Variants in WDR17 observed in about 807,000 individuals in gnomAD.
WDR17 encodes the protein WD repeat domain 17.
A neutral mutation model predicts 161.7 loss-of-function variants in WDR17; 143 were observed. The ratio of observed to expected loss-of-function variants is 0.88; its 90% confidence interval spans 0.77 to 1.02. The LOEUF (loss-of-function observed/expected upper bound fraction) is 1.02. Among genes scored for constraint, WDR17 ranks in the 50% least tolerant of loss-of-function variants. WDR17 has a pLI of 0.00. For missense variants in WDR17, 1,469 were observed against 1,520.9 expected, an observed-to-expected ratio of 0.97 and a Z score of 0.57; for synonymous variants, 517 against 515.6, an observed-to-expected ratio of 1.00 and a Z score of -0.04.
intron 20 of WDR17, among the ~76,000 whole-genome samples, 179 bp downstream of exon 20, chr4:176,161,181 G>T (rs1255725383): frequency 6.6e-6 from 1 of 152,112 alleles, no homozygotes; most frequent in Non-Finnish European, 1.5e-5. Context: ...GGAAATTTCA[G>T]GCATGGAGAC....
At chr4:176,120,413 T>C (rs776862133) in intron 4 of WDR17, among the ~76,000 whole-genome samples, 2 of 151,490 alleles carry the variant, frequency 1.3e-5, no homozygotes, top group Non-Finnish European at 2.9e-5. Context: ...TCTTTATTTC[T>C]GTACATTTAC....
intron 18 of WDR17, among the ~76,000 whole-genome samples, chr4:176,159,271 ACATG>A (rs780287501): frequency 8.4e-4 from 98 of 116,226 alleles, no homozygotes; most frequent in African/African-American, 3.1e-3. Context: ...ATACACACAC[ACATG>A]CACACACACA....
intron 18 of WDR17, among the ~76,000 whole-genome samples, chr4:176,156,699 C>T (rs1748186320): frequency 6.6e-6 from 1 of 151,162 alleles, no homozygotes; most frequent in South Asian, 2.1e-4. Context: ...AAAAAATTAC[C>T]ATAAAATGGG....
chr4:176,084,158 A>G (rs989404051), intron 1 of WDR17, among the ~76,000 whole-genome samples: 1 of 152,016 alleles, frequency 6.6e-6, no homozygotes, highest in African/African-American at 2.4e-5. Context: ...TTGTGTTGCT[A>G]TAAAGGCATG....
At chr4:176,160,163 T>C (rs773936932) in intron 19 of WDR17, 37 bp downstream of exon 19, 1 of 1,608,786 alleles carries the variant, frequency 6.2e-7, no homozygotes. Flanking sequence ...CATACATGAA[T>C]GCTTGAGCAT....
chr4:176,121,903 C>A (rs545467061), intron 4 of WDR17, among the ~76,000 whole-genome samples: 4 of 152,160 alleles, frequency 2.6e-5, no homozygotes, highest in Non-Finnish European at 4.4e-5. Flanking sequence ...TTTTCAATAA[C>A]CCAATCTTCC....
chr4:176,141,929 G>C (rs1745335323), intron 10 of WDR17, 54 bp from the exon 11 acceptor site: 1 of 1,314,278 alleles, frequency 7.6e-7, no homozygotes, highest in Non-Finnish European at 1.1e-6. Flanking sequence ...TTGTTTCCTT[G>C]AATAATGTAT....
In WDR17 at chr4:176,180,419, A is replaced by G. The variant is rs1240757926; in HGVS notation, c.*840A>G. On this transcript the variant is annotated 3_prime_UTR_variant, in exon 29 of 29. Transcript: ENST00000508596. The stretch of plus-strand genomic sequence containing the variant: ...TTATGTTAACTTTATTTAAAACACA[A>G]TTTATTTGGCCGGGCACGGTGGCTC... The G allele has an allele frequency of 6.6e-6, 1 of 152,188 alleles. No individual in the cohort carries two copies. The highest frequency in any genetic ancestry group is 1.5e-5 in the Non-Finnish European group (1 of 68,046). The allele number at this position is 152,188 out of a possible 1,614,324, so 9.4% of individuals were successfully genotyped here. A position where few individuals can be genotyped will look rare whatever the true frequency, so the allele number is the denominator to read the frequency against.
chr4:176,097,836 A>G (rs562577464), intron 1 of WDR17, among the ~76,000 whole-genome samples: 22 of 151,848 alleles, frequency 1.4e-4, no homozygotes, highest in Admixed American at 8.6e-4. Context: ...AATGCTTTTT[A>G]ATGAAATGTG....
chr4:176,159,267 A>G (rs1405574726), intron 18 of WDR17, among the ~76,000 whole-genome samples: 1 of 115,580 alleles, frequency 8.7e-6, no homozygotes, highest in Non-Finnish European at 1.7e-5. Context: ...GAAGATACAC[A>G]CACACATGCA....
chr4:176,124,601 G>GA lies in WDR17; in HGVS notation c.539-496dup, dbSNP rs540544716. Among the ~76,000 whole-genome samples the GA allele has an allele frequency of 3.9e-3, 587 of 152,076 alleles. 5 individuals are homozygous for GA. The highest frequency in any genetic ancestry group is 0.013 in the African/African-American group (557 of 41,502). On this transcript the variant is annotated intron_variant, in intron 4 of 28. Coordinates refer to ENST00000508596, the MANE Select transcript of WDR17 (RefSeq NM_181265.4). ...GTTATCTTCTCCATTATTAAAAAAA[G>GA]AAAAAAACCACAAGACTGAGGCACA...
At chr4:176,113,471 A>G (rs1342856526) in intron 2 of WDR17, among the ~76,000 whole-genome samples, 1 of 152,114 alleles carries the variant, frequency 6.6e-6, no homozygotes, top group Non-Finnish European at 1.5e-5. Flanking sequence ...GGACTGAAAC[A>G]AACTAAAAAT....
At chr4:176,146,268 C>CT in intron 12 of WDR17, 109 bp downstream of exon 12, 1 of 1,162,966 alleles carries the variant, frequency 8.6e-7, no homozygotes, top group Non-Finnish European at 1.2e-6. Flanking sequence ...GAGTCTCCCT[C>CT]TGTCACCCAG....
intron 23 of WDR17, 59 bp from the exon 24 acceptor site, chr4:176,172,316 C>G (rs907491095): frequency 6.7e-7 from 1 of 1,501,044 alleles, no homozygotes. Context: ...TGTACTTACA[C>G]TATTGCTTTT....
intron 22 of WDR17, among the ~76,000 whole-genome samples, chr4:176,163,723 A>C (rs1285569611): frequency 6.6e-6 from 1 of 152,170 alleles, no homozygotes; most frequent in East Asian, 1.9e-4. Context: ...GGACACTTGA[A>C]ACAGGACACC....
At chr4:176,067,387 T>A (rs6553908) in intron 1 of WDR17, among the ~76,000 whole-genome samples, 29,051 of 152,168 alleles carry the variant, frequency 0.19, 3,064 homozygotes, top group South Asian at 0.27. Context: ...AGCAATGACT[T>A]ATTTCAAAGG....
At chr4:176,140,010 A>C in intron 10 of WDR17, 36 bp downstream of exon 10, 1 of 1,515,898 alleles carries the variant, frequency 6.6e-7, no homozygotes, top group Non-Finnish European at 9.1e-7. Flanking sequence ...ATGAAATTAC[A>C]CTGTTTATAA....
intron 1 of WDR17, among the ~76,000 whole-genome samples, chr4:176,079,847 G>C (rs368220662): frequency 4.6e-4 from 70 of 152,120 alleles, no homozygotes; most frequent in African/African-American, 1.6e-3. Flanking sequence ...AAGGCGAGGG[G>C]GGGTGAGCAT....
At chr4:176,115,714 T>C (rs1171929975) in intron 2 of WDR17, 82 bp from the exon 3 acceptor site, 1 of 1,100,948 alleles carries the variant, frequency 9.1e-7, no homozygotes, top group Non-Finnish European at 1.2e-6. Flanking sequence ...TATGTAGCTT[T>C]AGTTTTGTGT....
Sources: gnomAD v4.1 joint callset for allele counts (sites outside exome capture counted in the v4.1 genomes callset) on GRCh38, gnomAD v4.1.1 for gene constraint, MANE v1.5 for transcripts, NCBI Gene and HGNC (gene_info 2026-07-23, HGNC 2026-07-21) for gene names.